Variants in MRTFA observed in about 807,000 individuals in gnomAD.
The protein encoded by MRTFA is myocardin-related transcription factor A.
A neutral mutation model predicts 83.5 loss-of-function variants in MRTFA; 20 were observed. The ratio of observed to expected loss-of-function variants is 0.24; its 90% CI spans 0.17 to 0.35. The LOEUF (loss-of-function observed/expected upper bound fraction) is 0.35. Ranked by LOEUF, MRTFA falls within the 10% of genes least tolerant of loss-of-function variation. MRTFA has a pLI of 1.00. For missense variants in MRTFA, 1,200 were observed against 1,224.7 expected (o/e 0.98, Z 0.30); for synonymous variants, 659 against 541.2 (o/e 1.22, Z -3.02).
intron 4 of MRTFA, among the ~76,000 whole-genome samples, chr22:40,456,155 G>A (rs187316512): frequency 6.6e-6 from 1 of 152,100 alleles, no homozygotes. Context: ...ACCCCTTCCG[G>A]TCTTATTACG....
intron 3 of MRTFA, among the ~76,000 whole-genome samples, chr22:40,537,173 C>T (rs1419661590): frequency 9.2e-5 from 3 of 32,496 alleles, no homozygotes; most frequent in African/African-American, 3.7e-4. Flanking sequence ...CGCCTCTGCC[C>T]GGCCGCCCCT....
chr22:40,418,513 A>G lies in MRTFA; in HGVS notation c.2225T>C (p.Leu742Pro), dbSNP rs557616700. ...GATGAGGCTGGGGCCCTGAGGCCCC[A>G]GAAGCAACTGGGGGGCGGGGACCGG... The change falls in exon 12 of 15, where the codon CTG becomes CCG. Residue 742 changes from leucine (L) to proline (P), a missense_variant. Physicochemically the swap from Leu to Pro is moderately conservative, Grantham distance 98. Around this residue, in one of 2 missense-constraint regions of MRTFA, gnomAD observed 1,107 missense variants for 1,041.8 expected, o/e 1.06. Transcript: ENST00000355630. The G allele has an allele frequency of 1.1e-5, 18 of 1,595,966 alleles. No homozygotes were observed. The highest frequency in any genetic ancestry group is 1.5e-5 in the Non-Finnish European group (18 of 1,174,532).
intron 3 of MRTFA, among the ~76,000 whole-genome samples, chr22:40,474,496 CACTT>C (rs2053961543): frequency 6.6e-6 from 1 of 152,224 alleles, no homozygotes; most frequent in African/African-American, 2.4e-5. Flanking sequence ...ACTTTACTCT[CACTT>C]GCTTGGATGC....
At chr22:40,590,062 A>C (rs966012895) in intron 2 of MRTFA, among the ~76,000 whole-genome samples, 1 of 152,098 alleles carries the variant, frequency 6.6e-6, no homozygotes, top group African/African-American at 2.4e-5. Context: ...AAGAAGCTTA[A>C]ATTAAATGAA....
At position 40,541,130 on chromosome 22, in the gene MRTFA, T is replaced by C. The variant is rs1208090991; in HGVS notation, c.241+10976A>G. 2.0e-5 allele frequency among the ~76,000 whole-genome samples: 3 copies of C among 152,170 alleles called. No individual in the cohort carries two copies. In the East Asian group the frequency reaches 5.8e-4, roughly 29 times the overall value. On this transcript the variant is annotated intron_variant, in intron 3 of 14. Transcript: ENST00000355630. ...AATGAGAACGAAAATGCTGAAATTA[T>C]AGGGAATGAATAAGAGAAATCAGAA...
At chr22:40,563,105 C>T (rs866124495) in intron 2 of MRTFA, among the ~76,000 whole-genome samples, 4 of 152,214 alleles carry the variant, frequency 2.6e-5, no homozygotes, top group African/African-American at 7.2e-5. Context: ...ACAACAGTAC[C>T]GGCCCCTTCA....
intron 14 of MRTFA, chr22:40,412,231 G>A (rs1257123839): frequency 5.3e-6 from 1 of 188,862 alleles, no homozygotes; most frequent in Non-Finnish European, 1.1e-5. Flanking sequence ...AACAGCACAT[G>A]AAAAGAGCTC....
Position 40,411,630 on chromosome 22 carries a change from G to A in MRTFA, c.2856C>T (p.Ala952=). 6.2e-7 allele frequency: 1 copy of A among 1,613,532 alleles called. No homozygotes were observed. The highest frequency in any genetic ancestry group is 8.5e-7 in the Non-Finnish European group (1 of 1,179,954). ...TGGGTGACGGGGGGTGGTCCAGGAT[G>A]GCAGTGCTGCTCAGCATCTGGCTAT... The change falls in exon 15 of 15, where the codon GCC becomes GCT. Residue 952 remains alanine, a synonymous_variant. Transcript: ENST00000355630.
chr22:40,424,584 G>A (rs1192304954), intron 7 of MRTFA, among the ~76,000 whole-genome samples: 1 of 152,226 alleles, frequency 6.6e-6, no homozygotes, highest in Non-Finnish European at 1.5e-5. Context: ...TGCAAGAGAG[G>A]CCAGAAAGGC....
At chr22:40,546,677 A>T (rs909737127) in intron 3 of MRTFA, among the ~76,000 whole-genome samples, 4 of 152,194 alleles carry the variant, frequency 2.6e-5, no homozygotes, top group Non-Finnish European at 5.9e-5. Flanking sequence ...ACACTAAGGG[A>T]AAGTTAGAGT....
chr22:40,557,732 T>A (rs927601849), intron 2 of MRTFA, among the ~76,000 whole-genome samples: 7 of 152,158 alleles, frequency 4.6e-5, no homozygotes, highest in African/African-American at 7.2e-5. Context: ...GTTACATATG[T>A]TTTTTATCAC....
rs200338788 is a variant in MRTFA at position 40,411,898 on chromosome 22, G to A, written c.2588C>T (p.Ala863Val). Residue 863 changes from alanine to valine, a missense_variant, in exon 15 of 15, where the codon GCA becomes GTA. By Grantham distance (64) the Ala-to-Val change is moderately conservative. This residue lies in a region of MRTFA where 1,107 missense variants were observed against 1,041.8 expected (regional missense o/e 1.06). Coordinates refer to ENST00000355630, the MANE Select transcript of MRTFA (RefSeq NM_020831.6). ...CAGGGATGGCGGCTCCTTGAAATCTGCTGAAATTTCTGCCAATCAATCAAG... is the reference window on the plus strand; with the variant it reads ...CAGGGATGGCGGCTCCTTGAAATCTACTGAAATTTCTGCCAATCAATCAAG... 1.2e-4 allele frequency: 174 copies of A among 1,477,452 alleles called. No homozygotes were observed. Among genetic ancestry groups the A allele is most frequent in the Non-Finnish European group, 7.8e-5 (87 of 1,112,342 alleles). The allele number at this position is 1,477,452 out of a possible 1,614,324, so 91.5% of individuals were successfully genotyped here. A position where few individuals can be genotyped will look rare whatever the true frequency, so the allele number is the denominator to read the frequency against.
intron 4 of MRTFA, among the ~76,000 whole-genome samples, chr22:40,454,058 G>T (rs376126446): frequency 1.3e-5 from 2 of 152,206 alleles, no homozygotes; most frequent in Non-Finnish European, 1.5e-5. Flanking sequence ...ACAATTTATA[G>T]CAATTGTCTT....
At chr22:40,431,828 A>G (rs545990125) in intron 5 of MRTFA, among the ~76,000 whole-genome samples, 4 of 152,274 alleles carry the variant, frequency 2.6e-5, no homozygotes, top group South Asian at 2.1e-4. Flanking sequence ...AATAAAATAA[A>G]CTTTAATCAG....
intron 3 of MRTFA, among the ~76,000 whole-genome samples, chr22:40,476,098 C>T (rs562538359): frequency 2.0e-5 from 3 of 149,496 alleles, no homozygotes; most frequent in South Asian, 4.3e-4. Flanking sequence ...GAGCTGAGAT[C>T]GCGCCACTGC....
intron 2 of MRTFA, among the ~76,000 whole-genome samples, chr22:40,593,498 G>T (rs567165762): frequency 6.6e-6 from 1 of 152,146 alleles, no homozygotes; most frequent in African/African-American, 2.4e-5. Context: ...CAATATAAAA[G>T]TAGAACAATA....
chr22:40,616,284 A>AC (rs2147423161), intron 1 of MRTFA, among the ~76,000 whole-genome samples: 1 of 152,268 alleles, frequency 6.6e-6, no homozygotes, highest in South Asian at 2.1e-4. Context: ...CCCATGATAT[A>AC]CCCAATACCA....
At chr22:40,422,487 G>A (rs888264318) in intron 9 of MRTFA, among the ~76,000 whole-genome samples, 10 of 152,230 alleles carry the variant, frequency 6.6e-5, no homozygotes, top group Non-Finnish European at 1.2e-4. Flanking sequence ...GCAGGTGCAG[G>A]ACAGGCACTA....
chr22:40,516,866 A>T (rs1441606116), intron 3 of MRTFA, among the ~76,000 whole-genome samples: 2 of 152,162 alleles, frequency 1.3e-5, no homozygotes, highest in South Asian at 2.1e-4. Flanking sequence ...TTTATTTTTT[A>T]AAAAAGAAGG....
Sources: gnomAD v4.1 joint callset for allele counts (sites outside exome capture counted in the v4.1 genomes callset) on GRCh38, gnomAD v4.1.1 for gene constraint, gnomAD v4.1.1 regional missense constraint, MANE v1.5 for transcripts, NCBI Gene and HGNC (gene_info 2026-07-23, HGNC 2026-07-21) for gene names.